Variants in PRKCE observed in about 807,000 individuals in gnomAD.
PRKCE encodes protein kinase C epsilon, also known as protein kinase C epsilon type.
A neutral mutation model predicts 85.4 loss-of-function variants in PRKCE; 16 were observed. That is an observed-to-expected ratio of 0.19 (90% CI 0.13 to 0.28). PRKCE has a LOEUF of 0.28. Among genes scored for constraint, PRKCE ranks in the 10% least tolerant of loss-of-function variants. PRKCE has a pLI of 1.00. For missense variants in PRKCE, 573 were observed against 975.2 expected (o/e 0.59, Z 5.49); for synonymous variants, 388 against 371.5 (o/e 1.04, Z -0.51).
chr2:45,724,011 A>T (rs747803624), intron 1 of PRKCE, among the ~76,000 whole-genome samples: 1 of 151,954 alleles, frequency 6.6e-6, no homozygotes, highest in Non-Finnish European at 1.5e-5. Context: ...GCAGTCTAGA[A>T]CCTCCACTTT....
At chr2:45,657,046 C>T (rs1380580018) in intron 1 of PRKCE, among the ~76,000 whole-genome samples, 2 of 152,360 alleles carry the variant, frequency 1.3e-5, no homozygotes, top group African/African-American at 2.4e-5. Context: ...GCTTGAAGGG[C>T]TGCATGCAGG....
At chr2:45,991,962 G>A (rs1418791582) in intron 6 of PRKCE, among the ~76,000 whole-genome samples, 1 of 152,182 alleles carries the variant, frequency 6.6e-6, no homozygotes, top group Non-Finnish European at 1.5e-5. Context: ...CGTAGAGTTA[G>A]AATAACTGAA....
At chr2:45,690,206 A>G (rs577871674) in intron 1 of PRKCE, among the ~76,000 whole-genome samples, 2 of 152,364 alleles carry the variant, frequency 1.3e-5, no homozygotes, top group East Asian at 3.9e-4. Context: ...TAAATACTTC[A>G]TTTATTTCAT....
chr2:45,668,660 A>G (rs1676022442), intron 1 of PRKCE, among the ~76,000 whole-genome samples: 1 of 150,784 alleles, frequency 6.6e-6, no homozygotes, highest in Non-Finnish European at 1.5e-5. Flanking sequence ...TTCACTTTTC[A>G]CCCTCTCGGT....
chr2:45,928,562 GCCCGGC>G (rs1414408581), intron 2 of PRKCE, among the ~76,000 whole-genome samples: 1 of 152,184 alleles, frequency 6.6e-6, no homozygotes, highest in Non-Finnish European at 1.5e-5. Context: ...GAGCCACTGT[GCCCGGC>G]CCATAACTTT....
intron 6 of PRKCE, among the ~76,000 whole-genome samples, chr2:45,995,441 A>G (rs1254240349): frequency 2.6e-5 from 4 of 152,000 alleles, no homozygotes; most frequent in Non-Finnish European, 4.4e-5. Flanking sequence ...AAGGTTACCT[A>G]TATTTTCTTC....
intron 1 of PRKCE, among the ~76,000 whole-genome samples, chr2:45,716,686 GAAGA>G (rs1680139102): frequency 2.3e-5 from 3 of 128,288 alleles, no homozygotes; most frequent in African/African-American, 6.1e-5. Context: ...AGAAGAAGAA[GAAGA>G]GAAGGAAGGA....
intron 10 of PRKCE, among the ~76,000 whole-genome samples, chr2:46,020,979 C>T (rs1341865035): frequency 6.6e-6 from 1 of 152,202 alleles, no homozygotes; most frequent in Non-Finnish European, 1.5e-5. Context: ...GAAACAGACT[C>T]AGGGAGGCTT....
In PRKCE at chr2:45,895,658, T is replaced by G. The variant is rs1696080733; in HGVS notation, c.412+52595T>G. 6.6e-6 allele frequency among the ~76,000 whole-genome samples: 1 copy of G among 152,230 alleles called. No homozygotes were observed. The highest frequency in any genetic ancestry group is 2.4e-5 in the African/African-American group (1 of 41,452). ...CTAATGGCATGCAGGGTAGATGATGTCAGCTTTTCCATCTCAGCTGAATCA... is the reference window on the plus strand; with the variant it reads ...CTAATGGCATGCAGGGTAGATGATGGCAGCTTTTCCATCTCAGCTGAATCA... On this transcript the variant is annotated intron_variant, in intron 2 of 14. Transcript: ENST00000306156. The surrounding 1 kb of genome is among the most constrained non-coding windows in gnomAD (Gnocchi z 4.8).
chr2:45,927,651 T>C (rs1698731083), intron 2 of PRKCE, among the ~76,000 whole-genome samples: 1 of 152,288 alleles, frequency 6.6e-6, no homozygotes, highest in South Asian at 2.1e-4. Context: ...AAAGGGAGGA[T>C]TTCATCTCCA....
Position 46,112,501 on chromosome 2 carries a change from TTG to T in PRKCE, c.1592+26141_1592+26142del, listed in dbSNP as rs1217841861. Among the ~76,000 whole-genome samples, 34 of 49,646 alleles carry T rather than the reference TTG, an allele frequency of 6.8e-4. No individual in the cohort carries two copies. In the Middle Eastern group the frequency reaches 0.034, roughly 49 times the overall value. The allele number at this position is 49,646 out of a possible 152,430, so 32.6% of individuals were successfully genotyped here. A position where few individuals can be genotyped will look rare whatever the true frequency, so the allele number is the denominator to read the frequency against. On this transcript the variant is annotated intron_variant, in intron 11 of 14. Transcript: ENST00000306156. ...TGTTTTTGTTTTTTTGGTTTTTTTT[TTG>T]TTTGTTTGTTTGTTTGTTTTTTGTT...
At chr2:45,810,726 G>C (rs1293964993) in intron 1 of PRKCE, among the ~76,000 whole-genome samples, 1 of 152,170 alleles carries the variant, frequency 6.6e-6, no homozygotes, top group Non-Finnish European at 1.5e-5. Flanking sequence ...TGGGACTACA[G>C]GCATGCACCA....
chr2:46,086,112 G>T, intron 10 of PRKCE, 96 bp from the exon 11 acceptor site: 1 of 1,323,730 alleles, frequency 7.6e-7, no homozygotes, highest in Non-Finnish European at 1.0e-6. Flanking sequence ...CTTCCCCCTT[G>T]AGTCTTGGTA....
intron 11 of PRKCE, among the ~76,000 whole-genome samples, chr2:46,099,120 A>G (rs1192483824): frequency 6.6e-6 from 1 of 152,084 alleles, no homozygotes; most frequent in Non-Finnish European, 1.5e-5. Flanking sequence ...CTGGTAAGCA[A>G]GGAGCTGGGT....
At chr2:46,009,052 A>C in intron 9 of PRKCE, among the ~76,000 whole-genome samples, 1 of 152,234 alleles carries the variant, frequency 6.6e-6, no homozygotes, top group East Asian at 1.9e-4. Context: ...GGAGTTACTT[A>C]TTTAAGAAGA....
chr2:46,111,202 T>G (rs1226082646), intron 11 of PRKCE, among the ~76,000 whole-genome samples: 2 of 152,216 alleles, frequency 1.3e-5, no homozygotes, highest in African/African-American at 4.8e-5. Flanking sequence ...TTATAAATGT[T>G]AAGTTGATTG....
chr2:45,665,662 G>A (rs1675875995), intron 1 of PRKCE, among the ~76,000 whole-genome samples: 1 of 152,198 alleles, frequency 6.6e-6, no homozygotes, highest in Admixed American at 6.5e-5. Flanking sequence ...AATACAGGAT[G>A]CTCAGTTAAA....
At chr2:46,016,906 T>A (rs1320060523) in intron 10 of PRKCE, among the ~76,000 whole-genome samples, 1 of 76,130 alleles carries the variant, frequency 1.3e-5, no homozygotes, top group Non-Finnish European at 2.4e-5. Context: ...CTAGACTCTG[T>A]CTCAAAAAAA....
At chr2:45,720,695 T>C (rs1489207205) in intron 1 of PRKCE, among the ~76,000 whole-genome samples, 1 of 152,078 alleles carries the variant, frequency 6.6e-6, no homozygotes, top group Non-Finnish European at 1.5e-5. Flanking sequence ...TTCATGCAGG[T>C]GATAGTTAAG....
Sources: gnomAD v4.1 joint callset for allele counts (sites outside exome capture counted in the v4.1 genomes callset) on GRCh38, gnomAD v4.1.1 for gene constraint, Gnocchi (gnomAD v3.1) non-coding constraint, MANE v1.5 for transcripts, NCBI Gene and HGNC (gene_info 2026-07-23, HGNC 2026-07-21) for gene names.